The following FAM83B variants were observed in gnomAD, a reference collection of about 807,000 sequenced individuals.
FAM83B encodes protein FAM83B.
A neutral mutation model predicts 38.8 loss-of-function variants in FAM83B; 26 were observed. That is an observed-to-expected ratio of 0.67 (90% confidence interval 0.49 to 0.93). The LOEUF (loss-of-function observed/expected upper bound fraction) is 0.93, where lower values mean the gene tolerates loss of function less well. Ranked by LOEUF, FAM83B falls within the 40% of genes least tolerant of loss-of-function variation. The pLI, the probability that FAM83B is intolerant of heterozygous loss-of-function variation, is 0.00. For missense variants in FAM83B, 1,237 were observed against 1,197.3 expected (o/e 1.03, Z -0.49); for synonymous variants, 419 against 423.1 (o/e 0.99, Z 0.12).
intron 2 of FAM83B, among the ~76,000 whole-genome samples, chr6:54,923,761 T>TC (rs1042320452): frequency 6.6e-6 from 1 of 151,834 alleles, no homozygotes; most frequent in African/African-American, 2.4e-5. Context: ...CCATGCTGTC[T>TC]CCCCCAGCAG....
At chr6:54,901,340 A>G (rs1238076529) in intron 2 of FAM83B, among the ~76,000 whole-genome samples, 1 of 152,216 alleles carries the variant, frequency 6.6e-6, no homozygotes, top group African/African-American at 2.4e-5. Flanking sequence ...TCAGGTTTAC[A>G]AAGTTTCTCA....
chr6:54,874,680 T>C (rs1206094002), intron 2 of FAM83B, among the ~76,000 whole-genome samples: 1 of 152,194 alleles, frequency 6.6e-6, no homozygotes, highest in South Asian at 2.1e-4. Context: ...GAGTCTTGAA[T>C]ATCTGAATGT....
intron 2 of FAM83B, among the ~76,000 whole-genome samples, chr6:54,913,662 A>G (rs1257026160): frequency 6.6e-6 from 1 of 152,082 alleles, no homozygotes; most frequent in Non-Finnish European, 1.5e-5. Flanking sequence ...TAGAAAAAAA[A>G]ACCATGAGAA....
At chr6:54,849,442 G>T (rs983048513) in intron 1 of FAM83B, among the ~76,000 whole-genome samples, 1 of 151,968 alleles carries the variant, frequency 6.6e-6, no homozygotes, top group Admixed American at 6.5e-5. Flanking sequence ...GAGGTGGAGT[G>T]GGGGGCAAGT....
At chr6:54,883,555 C>T (rs1772191669) in intron 2 of FAM83B, among the ~76,000 whole-genome samples, 3 of 151,136 alleles carry the variant, frequency 2.0e-5, no homozygotes, top group East Asian at 2.0e-4. Context: ...AGGCTGGTCT[C>T]GAACTCTCAA....
At chr6:54,890,228 T>G (rs1216712264) in intron 2 of FAM83B, among the ~76,000 whole-genome samples, 1 of 99,704 alleles carries the variant, frequency 1.0e-5, no homozygotes, top group African/African-American at 5.6e-5. Context: ...AATGTTTTAT[T>G]GAACCAAGTA....
At chr6:54,877,211 AC>A (rs920507750) in intron 2 of FAM83B, among the ~76,000 whole-genome samples, 1 of 152,220 alleles carries the variant, frequency 6.6e-6, no homozygotes, top group African/African-American at 2.4e-5. Context: ...AGATAACTTG[AC>A]CAGACTTAAG....
At chr6:54,868,209 TG>T (rs1387317686) in intron 1 of FAM83B, among the ~76,000 whole-genome samples, 1 of 152,188 alleles carries the variant, frequency 6.6e-6, no homozygotes, top group Non-Finnish European at 1.5e-5. Flanking sequence ...TTGTCAACCT[TG>T]GCACTGTTGA....
At chr6:54,890,673 C>T (rs983290220) in intron 2 of FAM83B, among the ~76,000 whole-genome samples, 1 of 152,072 alleles carries the variant, frequency 6.6e-6, no homozygotes, top group Non-Finnish European at 1.5e-5. Context: ...TCCCCCACCA[C>T]CTGCCACCAT....
intron 2 of FAM83B, among the ~76,000 whole-genome samples, chr6:54,883,888 A>C (rs1772201312): frequency 6.6e-6 from 1 of 151,896 alleles, no homozygotes; most frequent in African/African-American, 2.4e-5. Context: ...AAATACTTGC[A>C]GCTGAGTGCA....
chr6:54,924,597 T>C (rs1241989716), intron 2 of FAM83B, among the ~76,000 whole-genome samples: 5 of 151,884 alleles, frequency 3.3e-5, no homozygotes, highest in Non-Finnish European at 5.9e-5. Context: ...GTATTCCACC[T>C]GCCCTGTGTT....
chr6:54,848,224 A>T (rs183341080), intron 1 of FAM83B, among the ~76,000 whole-genome samples: 1 of 152,134 alleles, frequency 6.6e-6, no homozygotes, highest in Admixed American at 6.5e-5. Context: ...CTGTCTTCCT[A>T]TAGTTCCCAG....
At chr6:54,917,890 A>T (rs1397731169) in intron 2 of FAM83B, among the ~76,000 whole-genome samples, 1 of 152,152 alleles carries the variant, frequency 6.6e-6, no homozygotes, top group East Asian at 1.9e-4. Context: ...CTTGTTAAAA[A>T]ATATAGCCAT....
chr6:54,937,882 A>G (rs763113735), intron 4 of FAM83B, among the ~76,000 whole-genome samples: 57 of 152,008 alleles, frequency 3.7e-4, no homozygotes, highest in Non-Finnish European at 6.9e-4. Context: ...TTAACATTCT[A>G]TTTTATTTAT....
intron 2 of FAM83B, among the ~76,000 whole-genome samples, chr6:54,883,175 C>T (rs907312007): frequency 6.6e-6 from 1 of 152,000 alleles, no homozygotes; most frequent in Non-Finnish European, 1.5e-5. Context: ...TATCTCCTGA[C>T]CTTGTGATCC....
intron 2 of FAM83B, among the ~76,000 whole-genome samples, chr6:54,910,437 T>G (rs949600954): frequency 3.9e-5 from 6 of 152,220 alleles, no homozygotes; most frequent in Admixed American, 1.3e-4. Flanking sequence ...CATGCTTCTC[T>G]GCCCTTTCGT....
intron 2 of FAM83B, among the ~76,000 whole-genome samples, chr6:54,892,887 A>G (rs1319758370): frequency 6.6e-6 from 1 of 152,028 alleles, no homozygotes; most frequent in Non-Finnish European, 1.5e-5. Flanking sequence ...AGCAGAAGTG[A>G]TGGCATGAAT....
At chr6:54,902,992 AT>A (rs1269316693) in intron 2 of FAM83B, among the ~76,000 whole-genome samples, 1 of 152,234 alleles carries the variant, frequency 6.6e-6, no homozygotes, top group Non-Finnish European at 1.5e-5. Context: ...AGAACAAGTC[AT>A]CTTTAAGGTA....
At chr6:54,902,161 C>A (rs1561919628) in intron 2 of FAM83B, among the ~76,000 whole-genome samples, 1 of 152,186 alleles carries the variant, frequency 6.6e-6, no homozygotes, top group Non-Finnish European at 1.5e-5. Flanking sequence ...CCTCCATGAT[C>A]TGACTCCAAA....
Sources: allele counts gnomAD v4.1 joint callset (sites outside exome capture counted in the v4.1 genomes callset), GRCh38; gene constraint gnomAD v4.1.1; transcripts MANE v1.5; gene names NCBI Gene and HGNC (gene_info 2026-07-23, HGNC 2026-07-21).